Variants in GNAL observed in about 807,000 individuals in gnomAD.
GNAL encodes guanine nucleotide-binding protein G(olf) subunit alpha.
In GNAL, 18 loss-of-function variants were observed where a neutral mutation model predicts 55.1. That is an observed-to-expected ratio of 0.33 (90% CI 0.23 to 0.48). The LOEUF (loss-of-function observed/expected upper bound fraction) is 0.48. Ranked by LOEUF, GNAL falls within the 20% of genes least tolerant of loss-of-function variation. The pLI is 0.99. For synonymous variants in GNAL, 253 were observed against 237.0 expected (o/e 1.07, Z -0.62); for missense variants, 412 against 614.1 (o/e 0.67, Z 3.48).
intron 1 of GNAL, among the ~76,000 whole-genome samples, chr18:11,710,422 A>G (rs1234727209): frequency 6.6e-6 from 1 of 152,238 alleles, no homozygotes; most frequent in African/African-American, 2.4e-5. Context: ...CTTTTAAGTT[A>G]GAATTAAAAT....
In GNAL at chr18:11,753,647, C is replaced by A; in HGVS notation, c.469C>A (p.Leu157Met). The change falls in exon 3 of 12, where the codon CTG becomes ATG. Residue 157 changes from leucine (L) to methionine (M), a missense_variant. Leu to Met is a conservative substitution (Grantham distance 15). Around this residue, in one of 5 missense-constraint regions of GNAL, gnomAD observed 47 missense variants for 82.7 expected, o/e 0.57. Coordinates refer to ENST00000334049, the MANE Select transcript of GNAL (RefSeq NM_182978.4). Reference sequence around the variant, plus strand: ...ATACAGGGAAAAGAAACAGAAAATTCTGGACATCCGGAAAAATGTTAAAGA... The same window carrying A: ...ATACAGGGAAAAGAAACAGAAAATTATGGACATCCGGAAAAATGTTAAAGA... ...FNPEEKKQKI[L>M]DIRKNVKDAI... The A allele has an allele frequency of 4.4e-6, 7 of 1,598,036 alleles. No individual in the cohort carries two copies. The highest frequency in any genetic ancestry group is 1.1e-5 in the South Asian group (1 of 90,672).
Position 11,857,706 on chromosome 18 carries a change from C to T in GNAL, c.723-4689C>T, listed in dbSNP as rs527921153. The stretch of plus-strand genomic sequence containing the variant: ...GTCTGCCAGTGACGCCGATATGCTG[C>T]GAGTCTGGGAACCCCTTTTAAGGAG... On this transcript the variant is annotated intron_variant, in intron 5 of 11. Coordinates refer to ENST00000334049, the MANE Select transcript of GNAL (RefSeq NM_182978.4). The T allele has an allele frequency of 1.0e-5, 10 of 985,120 alleles. No individual in the cohort carries two copies. In the East Asian group the frequency reaches 4.5e-4, roughly 45 times the overall value. The allele number at this position is 985,120 out of a possible 1,614,324, so 61.0% of individuals were successfully genotyped here.
Position 11,866,572 on chromosome 18 carries a change from C to T in GNAL, c.852-596C>T, listed in dbSNP as rs541708153. Among the ~76,000 whole-genome samples, 21 of 150,552 alleles carry T rather than the reference C, an allele frequency of 1.4e-4. No individual in the cohort carries two copies. In the East Asian group the frequency reaches 2.5e-3, roughly 18 times the overall value. Reference sequence around the variant, plus strand: ...AAACTCTGAGAGAACTGGCTGAGGTCGCCTTGGCTGAGCGAGACCGGGAAG... The same window carrying T: ...AAACTCTGAGAGAACTGGCTGAGGTTGCCTTGGCTGAGCGAGACCGGGAAG... On this transcript the variant is annotated intron_variant, in intron 7 of 11. Coordinates refer to ENST00000334049, the MANE Select transcript of GNAL (RefSeq NM_182978.4).
At chr18:11,778,107 ACT>A (rs2033833250) in intron 4 of GNAL, among the ~76,000 whole-genome samples, 1 of 151,898 alleles carries the variant, frequency 6.6e-6, no homozygotes, top group African/African-American at 2.4e-5. Context: ...TCGGAGAGGG[ACT>A]CTCATACTTA....
At chr18:11,793,549 T>A (rs1455580205) in intron 4 of GNAL, among the ~76,000 whole-genome samples, 1 of 151,824 alleles carries the variant, frequency 6.6e-6, no homozygotes. Flanking sequence ...GCCACCACAT[T>A]GCAGCCTGAA....
chr18:11,832,080 A>C (rs2035395483), intron 5 of GNAL, among the ~76,000 whole-genome samples: 1 of 152,176 alleles, frequency 6.6e-6, no homozygotes, highest in South Asian at 2.1e-4. Context: ...TTATCCCCCA[A>C]AATGCATTTC....
chr18:11,872,243 TG>T (rs778003687), intron 9 of GNAL, 24 bp from the exon 10 acceptor site: 1 of 1,525,950 alleles, frequency 6.6e-7, no homozygotes, highest in African/African-American at 1.4e-5. Context: ...ATGTGAAATT[TG>T]TATGTTTATT....
intron 11 of GNAL, among the ~76,000 whole-genome samples, 160 bp from the exon 12 acceptor site, chr18:11,880,829 C>T (rs934252967): frequency 7.2e-5 from 11 of 152,068 alleles, no homozygotes; most frequent in Non-Finnish European, 8.8e-5. Context: ...GGTCCTCGGC[C>T]GATGCTTGCA....
rs2036736953 is a variant in GNAL at position 11,882,798 on chromosome 18, G to C, written c.*1663G>C. 1.3e-5 allele frequency: 2 copies of C among 151,806 alleles called. No individual in the cohort carries two copies. The highest frequency in any genetic ancestry group is 2.9e-5 in the Non-Finnish European group (2 of 67,994). 9.4% of individuals were successfully genotyped at this position (151,806 alleles called of 1,614,324 possible). A position where few individuals can be genotyped will look rare whatever the true frequency, so the allele number is the denominator to read the frequency against. ...AAGAAACATTACAAAACCTTAATCT[G>C]AAGTATAAAGTCAAAAGATACGGCT... On this transcript the variant is annotated 3_prime_UTR_variant, in exon 12 of 12. Coordinates refer to ENST00000334049, the MANE Select transcript of GNAL (RefSeq NM_182978.4).
intron 4 of GNAL, among the ~76,000 whole-genome samples, chr18:11,772,732 G>A (rs28651852): frequency 0.024 from 3,726 of 152,236 alleles, 148 homozygotes; most frequent in African/African-American, 0.085. Context: ...TCTTCTTGTC[G>A]CTTCCATTCA....
chr18:11,856,599 G>A (rs2036012634), intron 5 of GNAL, among the ~76,000 whole-genome samples: 1 of 150,704 alleles, frequency 6.6e-6, no homozygotes, highest in Non-Finnish European at 1.5e-5. Flanking sequence ...GCTGAGAAAT[G>A]CCAGGACAAA....
rs192306279 is a variant in GNAL at position 11,881,771 on chromosome 18, C to T, written c.*636C>T. On this transcript the variant is annotated 3_prime_UTR_variant, in exon 12 of 12. Transcript: ENST00000334049. This position sits in a 1 kb window ranked among gnomAD's most constrained non-coding sequence, Gnocchi z 4.8. ...ATGTGTCCTGTCTAAAAATGATTCT[C>T]TAAACTTTCCCTATACTTAGGCATA... 17 of 152,652 alleles carry T rather than the reference C, an allele frequency of 1.1e-4. No homozygotes were observed. Among genetic ancestry groups the T allele is most frequent in the African/African-American group, 2.9e-4 (12 of 41,582 alleles). 9.5% of individuals were successfully genotyped at this position (152,652 alleles called of 1,614,324 possible).
At chr18:11,796,459 A>C (rs1242590957) in intron 4 of GNAL, among the ~76,000 whole-genome samples, 1 of 151,488 alleles carries the variant, frequency 6.6e-6, no homozygotes, top group African/African-American at 2.4e-5. Context: ...GGGCGCCTGT[A>C]GTCCCAGCTA....
intron 4 of GNAL, among the ~76,000 whole-genome samples, chr18:11,764,511 A>C (rs975287112): frequency 5.9e-5 from 9 of 152,222 alleles, no homozygotes; most frequent in Non-Finnish European, 1.0e-4. Flanking sequence ...TTGACTTTCT[A>C]AATACCATGA....
Position 11,884,839 on chromosome 18 carries a change from G to T in GNAL, c.*3704G>T. On this transcript the variant is annotated 3_prime_UTR_variant, in exon 12 of 12. Transcript: ENST00000334049. The stretch of plus-strand genomic sequence containing the variant: ...GGCTCCAGCAGGAGAGACAAGTAAG[G>T]CCCAAGTGTGCCTGAGTGGAAAATG... 2 of 1,383,706 alleles carry T rather than the reference G, an allele frequency of 1.4e-6. No homozygotes were observed. Among genetic ancestry groups the T allele is most frequent in the Non-Finnish European group, 1.9e-6 (2 of 1,066,916 alleles). 85.7% of individuals were successfully genotyped at this position (1,383,706 alleles called of 1,614,324 possible).
intron 5 of GNAL, among the ~76,000 whole-genome samples, chr18:11,861,989 C>CACACACAA (rs1555615384): frequency 2.0e-5 from 3 of 150,204 alleles, no homozygotes; most frequent in South Asian, 2.1e-4. Flanking sequence ...CACACACACA[C>CACACACAA]AACATCTGGA....
At chr18:11,732,854 A>G (rs1392492092) in intron 1 of GNAL, among the ~76,000 whole-genome samples, 2 of 152,266 alleles carry the variant, frequency 1.3e-5, no homozygotes, top group Non-Finnish European at 2.9e-5. Context: ...CAGCAATCAC[A>G]TAAGCAGAAG....
intron 4 of GNAL, 58 bp downstream of exon 4, chr18:11,754,003 G>A (rs959087602): frequency 7.6e-7 from 1 of 1,319,404 alleles, no homozygotes; most frequent in Non-Finnish European, 1.1e-6. Context: ...TTTTTAATAA[G>A]GTTTCTTATT....
At chr18:11,716,404 G>C (rs1276439696) in intron 1 of GNAL, among the ~76,000 whole-genome samples, 2 of 151,732 alleles carry the variant, frequency 1.3e-5, no homozygotes, top group Non-Finnish European at 1.5e-5. Flanking sequence ...AATAAAGGCA[G>C]TGTGGACCCA....
Sources: allele counts gnomAD v4.1 joint callset (sites outside exome capture counted in the v4.1 genomes callset), GRCh38; gene constraint gnomAD v4.1.1; regional missense constraint gnomAD v4.1.1; non-coding constraint Gnocchi (gnomAD v3.1); transcripts MANE v1.5; gene names NCBI Gene and HGNC (gene_info 2026-07-23, HGNC 2026-07-21).